Variants in ABCC8 observed in about 807,000 individuals in gnomAD.
ABCC8 encodes the protein ATP-binding cassette sub-family C member 8.
ABCC8 carries 137 observed loss-of-function variants against 188.0 expected under a neutral mutation model. The ratio of observed to expected loss-of-function variants is 0.73; its 90% CI spans 0.63 to 0.84. ABCC8 has a LOEUF of 0.84. Among genes scored for constraint, ABCC8 ranks in the 40% least tolerant of loss-of-function variants. The probability of loss-of-function intolerance (pLI) is 0.00; values close to 1 mark genes in which losing one functional copy is unlikely to be tolerated. For missense variants in ABCC8, 1,750 were observed against 2,072.7 expected, an observed-to-expected ratio of 0.84 and a Z score of 3.02; for synonymous variants, 797 against 846.5, an observed-to-expected ratio of 0.94 and a Z score of 1.01.
chr11:17,451,379 A>G (rs1400065224), intron 7 of ABCC8, among the ~76,000 whole-genome samples: 1 of 152,228 alleles, frequency 6.6e-6, no homozygotes, highest in African/African-American at 2.4e-5. Flanking sequence ...ATTGTCACAT[A>G]ATGACATCCC....
intron 29 of ABCC8, among the ~76,000 whole-genome samples, chr11:17,401,055 G>A (rs1025518401): frequency 6.6e-6 from 1 of 152,222 alleles, no homozygotes; most frequent in African/African-American, 2.4e-5. Context: ...CCACAGGTTT[G>A]GCCTGATCTG....
At chr11:17,459,957 T>C (rs893931947) in intron 6 of ABCC8, among the ~76,000 whole-genome samples, 2 of 152,196 alleles carry the variant, frequency 1.3e-5, no homozygotes, top group African/African-American at 4.8e-5. Context: ...GTCCAACATA[T>C]TAATAAAACT....
intron 33 of ABCC8, chr11:17,396,190 G>A: frequency 1.3e-6 from 1 of 757,122 alleles, no homozygotes; most frequent in Non-Finnish European, 2.0e-6. Flanking sequence ...GTCTGGGTGT[G>A]CCGGGTACTT....
intron 10 of ABCC8, chr11:17,435,555 A>T: frequency 7.7e-7 from 1 of 1,296,234 alleles, no homozygotes; most frequent in Non-Finnish European, 1.1e-6. Flanking sequence ...ATCTAAAAGC[A>T]CAAAAGGATT....
At chr11:17,437,528 G>A (rs1956153707) in intron 10 of ABCC8, among the ~76,000 whole-genome samples, 1 of 152,268 alleles carries the variant, frequency 6.6e-6, no homozygotes, top group Non-Finnish European at 1.5e-5. Flanking sequence ...AGATGCATCT[G>A]CAGGAGGGGA....
At chr11:17,409,089 A>G (rs1297407554) in intron 22 of ABCC8, among the ~76,000 whole-genome samples, 1 of 148,450 alleles carries the variant, frequency 6.7e-6, no homozygotes, top group East Asian at 2.0e-4. Flanking sequence ...AGTAGCTGGG[A>G]CCACAGGTGC....
At chr11:17,436,485 A>G (rs1275730630) in intron 10 of ABCC8, among the ~76,000 whole-genome samples, 1 of 152,232 alleles carries the variant, frequency 6.6e-6, no homozygotes, top group Non-Finnish European at 1.5e-5. Flanking sequence ...AATATAGCCA[A>G]GAATAGATTT....
At chr11:17,424,241 T>A (rs1955483315) in intron 16 of ABCC8, among the ~76,000 whole-genome samples, 1 of 152,108 alleles carries the variant, frequency 6.6e-6, no homozygotes, top group Non-Finnish European at 1.5e-5. Context: ...GACAGGTTGA[T>A]AGGTGCAGCA....
At chr11:17,398,634 C>T (rs1056992971) in intron 29 of ABCC8, 193 bp from the exon 30 acceptor site, 1 of 579,878 alleles carries the variant, frequency 1.7e-6, no homozygotes, top group Non-Finnish European at 2.2e-6. Context: ...TGTCCAGAAT[C>T]CCCACCTCCT....
At chr11:17,422,697 A>G (rs1425204188) in intron 16 of ABCC8, among the ~76,000 whole-genome samples, 1 of 151,952 alleles carries the variant, frequency 6.6e-6, no homozygotes, top group Non-Finnish European at 1.5e-5. Context: ...TGTTTCCCCA[A>G]TCCATCATCC....
chr11:17,470,323 A>C (rs1848413223), intron 2 of ABCC8, 101 bp from the exon 3 acceptor site: 4 of 1,584,042 alleles, frequency 2.5e-6, no homozygotes, highest in Non-Finnish European at 3.4e-6. Context: ...GAACCTTTAT[A>C]GCATCACTTT....
intron 10 of ABCC8, chr11:17,435,619 A>T: frequency 7.1e-7 from 1 of 1,398,696 alleles, no homozygotes. Context: ...AGAAACAGAA[A>T]GATGGGTGAA....
intron 8 of ABCC8, 35 bp from the exon 9 acceptor site, chr11:17,443,347 C>T (rs752875904): frequency 5.6e-6 from 9 of 1,613,568 alleles, no homozygotes; most frequent in Non-Finnish European, 7.6e-6. Flanking sequence ...TCCCTTTGAC[C>T]TGATGGTTGC....
chr11:17,430,707 G>A lies in ABCC8; in HGVS notation c.1817+107C>T, dbSNP rs1488665353. On this transcript the variant is annotated intron_variant, in intron 12 of 38. Coordinates refer to ENST00000389817, the MANE Select transcript of ABCC8 (RefSeq NM_000352.6). Reference sequence around the variant, plus strand: ...AGCTACAGCAAGGCCCAGCAATGGGGGTGTGTTCCGGGACCAAACAGCTGT... The same window carrying A: ...AGCTACAGCAAGGCCCAGCAATGGGAGTGTGTTCCGGGACCAAACAGCTGT... The A allele has an allele frequency of 9.3e-6, 12 of 1,285,722 alleles. No individual in the cohort carries two copies. In the African/African-American group the frequency reaches 1.6e-4, roughly 17 times the overall value. The allele number at this position is 1,285,722 out of a possible 1,614,324, so 79.6% of individuals were successfully genotyped here.
intron 23 of ABCC8, 37 bp from the exon 24 acceptor site, chr11:17,407,490 A>C (rs752748487): frequency 6.2e-7 from 1 of 1,613,880 alleles, no homozygotes; most frequent in East Asian, 2.2e-5. Flanking sequence ...TGTCTTCAGG[A>C]TATATGGTTG....
At chr11:17,401,608 C>T (rs1367265598) in intron 29 of ABCC8, among the ~76,000 whole-genome samples, 2 of 152,156 alleles carry the variant, frequency 1.3e-5, no homozygotes, top group Admixed American at 1.3e-4. Context: ...TGGTTACTGT[C>T]ATACTTCGTG....
At chr11:17,395,561 A>G in intron 35 of ABCC8, 49 bp downstream of exon 35, 1 of 1,539,844 alleles carries the variant, frequency 6.5e-7, no homozygotes, top group Non-Finnish European at 8.7e-7. Flanking sequence ...GATCTGATGG[A>G]ACTGAGCCGG....
chr11:17,425,253 C>T (rs1047512318), intron 16 of ABCC8, among the ~76,000 whole-genome samples: 1 of 152,076 alleles, frequency 6.6e-6, no homozygotes, highest in African/African-American at 2.4e-5. Context: ...GATGGGAAAC[C>T]CAAGGGGCTC....
chr11:17,461,385 C>A lies in ABCC8; in HGVS notation c.822+198G>T, dbSNP rs1957182451. ...ACCTAAACGGTAAGGGCCATTCCAA[C>A]TGTGCCTGTCCTATGAATCCTCAGC... is the stretch of plus-strand genomic sequence containing the variant. On this transcript the variant is annotated intron_variant, in intron 5 of 38. Coordinates refer to ENST00000389817, the MANE Select transcript of ABCC8 (RefSeq NM_000352.6). The A allele has an allele frequency of 4.4e-6, 3 of 686,400 alleles. 1 individual carries two copies. Among genetic ancestry groups the A allele is most frequent in the Middle Eastern group, 7.9e-4 (2 of 2,516 alleles). The allele number at this position is 686,400 out of a possible 1,614,324, so 42.5% of individuals were successfully genotyped here.
Sources: gnomAD v4.1 joint callset for allele counts (sites outside exome capture counted in the v4.1 genomes callset) on GRCh38, gnomAD v4.1.1 for gene constraint, MANE v1.5 for transcripts, NCBI Gene and HGNC (gene_info 2026-07-23, HGNC 2026-07-21) for gene names.